The following IQSEC1 variants were observed in gnomAD, a reference collection of about 807,000 sequenced individuals.
IQSEC1 encodes IQ motif and Sec7 domain ArfGEF 1, also known as IQ motif and SEC7 domain-containing protein 1.
Under a neutral mutation model 91.0 loss-of-function variants are expected in IQSEC1, and 31 were observed. The observed-to-expected ratio is 0.34, with a 90% CI of 0.26 to 0.46. The LOEUF (loss-of-function observed/expected upper bound fraction) is 0.46. Ranked by LOEUF, IQSEC1 falls within the 20% of genes least tolerant of loss-of-function variation. IQSEC1 has a pLI of 1.00. For missense variants in IQSEC1, 1,388 were observed against 1,575.6 expected, an observed-to-expected ratio of 0.88 and a Z score of 2.02; for synonymous variants, 699 against 662.6, an observed-to-expected ratio of 1.05 and a Z score of -0.84.
intron 1 of IQSEC1, among the ~76,000 whole-genome samples, chr3:13,197,951 G>A (rs900490963): frequency 6.6e-6 from 1 of 152,226 alleles, no homozygotes. Flanking sequence ...CCGCGGCTTG[G>A]ATGTGTGTGC....
At chr3:13,275,795 C>G (rs1480942780) in intron 1 of IQSEC1, among the ~76,000 whole-genome samples, 1 of 152,182 alleles carries the variant, frequency 6.6e-6, no homozygotes, top group African/African-American at 2.4e-5. Context: ...TAACCAAGGA[C>G]AAGCAGCCCA....
chr3:13,167,087 G>C (rs1294345529), intron 1 of IQSEC1, among the ~76,000 whole-genome samples: 2 of 151,984 alleles, frequency 1.3e-5, no homozygotes, highest in Admixed American at 1.3e-4. Flanking sequence ...CTGTATGTGC[G>C]TGTGTGTGTG....
At chr3:13,256,975 CTG>C (rs1407040465) in intron 1 of IQSEC1, among the ~76,000 whole-genome samples, 1 of 152,176 alleles carries the variant, frequency 6.6e-6, no homozygotes, top group African/African-American at 2.4e-5. Context: ...AGCCAACCCG[CTG>C]TGTGTTCACA....
At chr3:12,990,039 CCTAGTTCAGCATCTGGCTGAG>C (rs1191767749) in intron 1 of IQSEC1, among the ~76,000 whole-genome samples, 1 of 152,226 alleles carries the variant, frequency 6.6e-6, no homozygotes, top group Middle Eastern at 3.2e-3. Flanking sequence ...CAAACCTGGT[CCTAGTTCAGCATCTGGCTGAG>C]CTAAATAATG....
chr3:13,105,173 C>T lies in IQSEC1; in HGVS notation c.303-57651G>A, dbSNP rs537615035. Among the ~76,000 whole-genome samples, 113 of 152,290 alleles carry T rather than the reference C, an allele frequency of 7.4e-4. 1 individual carries two copies. The South Asian group carries it at 0.016, about 22-fold the overall frequency. On this transcript the variant is annotated intron_variant, in intron 2 of 15. Transcript: ENST00000648114. ...TTTGAGCCCACAAGGAACCTCTACA[C>T]GGGACAACACTTCTGTGTCTCCAAC... is the stretch of plus-strand genomic sequence containing the variant.
chr3:13,239,868 G>C (rs1329421651), intron 1 of IQSEC1, among the ~76,000 whole-genome samples: 1 of 152,212 alleles, frequency 6.6e-6, no homozygotes, highest in African/African-American at 2.4e-5. Flanking sequence ...GGCCCCGAGG[G>C]GCTGCGGGTG....
chr3:13,018,597 C>T (rs1703252550), intron 1 of IQSEC1, among the ~76,000 whole-genome samples: 1 of 152,218 alleles, frequency 6.6e-6, no homozygotes, highest in Admixed American at 6.5e-5. Context: ...CCTTTGTCTG[C>T]CAGGGGCCCA....
intron 2 of IQSEC1, among the ~76,000 whole-genome samples, chr3:13,096,214 C>A (rs1394810020): frequency 3.3e-5 from 5 of 152,216 alleles, no homozygotes; most frequent in African/African-American, 7.2e-5. Context: ...CTAGTGTGTA[C>A]CAAGATCTGA....
At chr3:12,975,034 G>C (rs1321252311) in intron 1 of IQSEC1, among the ~76,000 whole-genome samples, 1 of 152,202 alleles carries the variant, frequency 6.6e-6, no homozygotes, top group Non-Finnish European at 1.5e-5. Flanking sequence ...TGCTTCCCAG[G>C]GCCTCAGCAT....
At chr3:13,006,273 C>T (rs1012152175) in intron 1 of IQSEC1, among the ~76,000 whole-genome samples, 1 of 152,218 alleles carries the variant, frequency 6.6e-6, no homozygotes, top group Admixed American at 6.5e-5. Flanking sequence ...CTCAAGAGGC[C>T]TCACGGCTTC....
intron 1 of IQSEC1, chr3:13,052,887 T>C (rs1704741038): frequency 4.0e-6 from 3 of 741,188 alleles, no homozygotes; most frequent in Non-Finnish European, 7.2e-6. Context: ...CAGATAGTGG[T>C]GACATTTTCT....
intron 3 of IQSEC1, among the ~76,000 whole-genome samples, chr3:12,929,371 G>A (rs1336556727): frequency 6.6e-6 from 1 of 152,206 alleles, no homozygotes; most frequent in Non-Finnish European, 1.5e-5. Flanking sequence ...CAGCTGGAAG[G>A]GGCAGAAGGA....
In IQSEC1 at chr3:13,113,722, C is replaced by T. The variant is rs537586239; in HGVS notation, c.302+50382G>A. Among the ~76,000 whole-genome samples, 65 of 152,280 alleles carry T rather than the reference C, an allele frequency of 4.3e-4. 1 individual carries two copies. The South Asian group carries it at 4.4e-3, about 10-fold the overall frequency. ...GAACGGTCACCAGGGCAGCCCCCAG[C>T]GTGGGCCGCATGGCAGGGGCTACTC... On this transcript the variant is annotated intron_variant, in intron 2 of 15. Transcript: ENST00000648114.
intron 1 of IQSEC1, among the ~76,000 whole-genome samples, chr3:13,261,539 C>T (rs1695387216): frequency 6.6e-6 from 1 of 152,138 alleles, no homozygotes; most frequent in East Asian, 1.9e-4. Context: ...AGACAGCGAG[C>T]AAAGCCCCAA....
intron 1 of IQSEC1, among the ~76,000 whole-genome samples, chr3:13,031,562 A>G (rs906485526): frequency 1.3e-5 from 2 of 152,202 alleles, no homozygotes; most frequent in East Asian, 1.9e-4. Context: ...TAGAACGGTG[A>G]TCATCTAACC....
upstream of IQSEC1, among the ~76,000 whole-genome samples, chr3:13,073,537 G>A (rs1338710135): frequency 2.6e-5 from 4 of 152,012 alleles, no homozygotes; most frequent in African/African-American, 9.7e-5. Flanking sequence ...CATGGCAACA[G>A]CAGCATCAGG....
chr3:13,230,773 C>G lies in IQSEC1; in HGVS notation c.272+51938G>C, dbSNP rs143929193. Among the ~76,000 whole-genome samples the G allele has an allele frequency of 3.3e-3, 510 of 152,340 alleles. 3 individuals carry two copies. The highest frequency in any genetic ancestry group is 3.7e-3 in the Non-Finnish European group (251 of 68,036). On this transcript the variant is annotated intron_variant, in intron 1 of 15. Coordinates refer to the IQSEC1 transcript ENST00000648114. ...TTAACTATAAGAAAGATTTCCTTAA[C>G]TATAATTTTTCATTCAGAATAGAAT...
At position 13,086,828 on chromosome 3, in the gene IQSEC1, C is replaced by T. The variant is rs145317196; in HGVS notation, c.303-39306G>A. ...TGTCTCCTCACCCAGTTTACTTCCT[C>T]TAGGCCATTTACAGGCATCCTGTTT... On this transcript the variant is annotated intron_variant, in intron 2 of 15. Transcript: ENST00000648114. 1.8e-3 allele frequency among the ~76,000 whole-genome samples: 276 copies of T among 152,356 alleles called. 5 individuals are homozygous for T. Among genetic ancestry groups the T allele is most frequent in the African/African-American group, 6.1e-3 (253 of 41,566 alleles).
intron 2 of IQSEC1, among the ~76,000 whole-genome samples, chr3:12,939,321 C>T (rs1322325640): frequency 2.6e-5 from 4 of 152,220 alleles, no homozygotes; most frequent in African/African-American, 9.7e-5. Context: ...CGGAAGAATG[C>T]CCTTCAGCAA....
Sources: gnomAD v4.1 joint callset for allele counts (sites outside exome capture counted in the v4.1 genomes callset) on GRCh38, gnomAD v4.1.1 for gene constraint, MANE v1.5 for transcripts, NCBI Gene and HGNC (gene_info 2026-07-23, HGNC 2026-07-21) for gene names.